Variants in SMARCD2 observed in about 807,000 individuals in gnomAD.
SMARCD2 encodes SWI/SNF related BAF chromatin remodeling complex subunit D2.
In SMARCD2, 39 loss-of-function variants were observed where a neutral mutation model predicts 70.4. That is an observed-to-expected ratio of 0.55 (90% confidence interval 0.43 to 0.72). The LOEUF (loss-of-function observed/expected upper bound fraction) is 0.72, where lower values mean the gene tolerates loss of function less well. Ranked by LOEUF, SMARCD2 falls within the 30% of genes least tolerant of loss-of-function variation. SMARCD2 has a pLI of 0.00. For synonymous variants in SMARCD2, 249 were observed against 279.4 expected (o/e 0.89, Z 1.08); for missense variants, 540 against 713.4 (o/e 0.76, Z 2.77).
intron 1 of SMARCD2, among the ~76,000 whole-genome samples, chr17:63,841,182 G>A (rs1009111057): frequency 2.6e-5 from 4 of 152,242 alleles, no homozygotes; most frequent in African/African-American, 9.6e-5. Context: ...GAATCCCTGG[G>A]ACCAGGTCTG....
At chr17:63,835,165 C>G (rs2040249687) in intron 5 of SMARCD2, 2 of 545,540 alleles carry the variant, frequency 3.7e-6, no homozygotes, top group Non-Finnish European at 6.5e-6. Context: ...ACTCTGTCAC[C>G]CAGGCTGAAG....
chr17:63,840,717 A>G (rs1010644647), intron 1 of SMARCD2, among the ~76,000 whole-genome samples: 5 of 152,210 alleles, frequency 3.3e-5, no homozygotes, highest in East Asian at 1.9e-4. Context: ...CTTGGAAAGA[A>G]GGCAAATAGG....
At chr17:63,838,986 G>A in intron 1 of SMARCD2, 1 of 985,334 alleles carries the variant, frequency 1.0e-6, no homozygotes. Flanking sequence ...GGGAGAGGAG[G>A]AGCAGGGTGG....
At position 63,834,622 on chromosome 17, in the gene SMARCD2, A is replaced by G. The variant is rs2040241679; in HGVS notation, c.820-47T>C. 6 of 1,567,468 alleles carry G rather than the reference A, an allele frequency of 3.8e-6. No individual in the cohort carries two copies. The highest frequency in any genetic ancestry group is 5.3e-6 in the Non-Finnish European group (6 of 1,139,806). ...CTTATCACCAAGGGGGTGGGCGTGA[A>G]CACAGGGCCTCCCAAGGGCCCTGAG... is the stretch of plus-strand genomic sequence containing the variant. On this transcript the variant is annotated intron_variant, in intron 6 of 12. Transcript: ENST00000448276. This position sits in a 1 kb window ranked among gnomAD's most constrained non-coding sequence, Gnocchi z 5.6.
chr17:63,840,180 C>G (rs1904402250), intron 1 of SMARCD2, among the ~76,000 whole-genome samples: 1 of 151,690 alleles, frequency 6.6e-6, no homozygotes, highest in South Asian at 2.1e-4. Context: ...GGAGTGAACC[C>G]AGCAATCTGA....
chr17:63,841,571 G>A (rs1904464160), intron 1 of SMARCD2, among the ~76,000 whole-genome samples: 1 of 152,230 alleles, frequency 6.6e-6, no homozygotes, highest in Non-Finnish European at 1.5e-5. Context: ...AGCACTGGCA[G>A]GGTCAGGCTG....
chr17:63,837,157 C>T lies in SMARCD2; in HGVS notation c.444+38G>A. ...AGATGGACACCCACCCCAAGGTGGC[C>T]ACTGGGCAGGCCTCCCAGGTGTCCT... On this transcript the variant is annotated intron_variant, in intron 3 of 12. Coordinates refer to ENST00000448276, the MANE Select transcript of SMARCD2 (RefSeq NM_001098426.2). The surrounding 1 kb of genome is among the most constrained non-coding windows in gnomAD (Gnocchi z 6.4). 1.2e-6 allele frequency: 2 copies of T among 1,611,498 alleles called. No homozygotes were observed. The highest frequency in any genetic ancestry group is 1.7e-4 in the Middle Eastern group (1 of 5,896).
rs762523727 is a variant in SMARCD2, at chr17:63,833,130, C to T, written c.1481G>A (p.Arg494Gln). 12 of 1,607,458 alleles carry T rather than the reference C, an allele frequency of 7.5e-6. 1 individual carries two copies. In the Admixed American group the frequency reaches 1.0e-4, roughly 14 times the overall value. ...CCAGGGCTGGTGGTAGAAAGCAGCTCGTCTCTCCTCCTCAGGATTTCCAAT... is the reference window on the plus strand; with the variant it reads ...CCAGGGCTGGTGGTAGAAAGCAGCTTGTCTCTCCTCCTCAGGATTTCCAAT... ...DVIGNPEEER[R>Q]AAFYHQPWAQ... Residue 494 changes from arginine (R) to glutamine (Q), a missense_variant, in exon 12 of 13, where the codon CGA becomes CAA. Transcript: ENST00000448276. This position sits in a 1 kb window ranked among gnomAD's most constrained non-coding sequence, Gnocchi z 4.3.
chr17:63,837,777 G>A lies in SMARCD2; in HGVS notation c.217-152C>T, dbSNP rs1266859448. On this transcript the variant is annotated intron_variant, in intron 1 of 12. Coordinates refer to ENST00000448276, the MANE Select transcript of SMARCD2 (RefSeq NM_001098426.2). The surrounding 1 kb of genome is among the most constrained non-coding windows in gnomAD (Gnocchi z 6.4). ...GCCCCAGGAACAAAGGGGAGTGGGC[G>A]CCTGAGCACAGAGTGTAAACCACAC... is the stretch of plus-strand genomic sequence containing the variant. Among the ~76,000 whole-genome samples the A allele has an allele frequency of 1.3e-5, 2 of 152,152 alleles. No individual in the cohort carries two copies. The highest frequency in any genetic ancestry group is 2.4e-5 in the African/African-American group (1 of 41,434).
chr17:63,840,317 A>G (rs1260241560), intron 1 of SMARCD2, among the ~76,000 whole-genome samples: 6 of 145,336 alleles, frequency 4.1e-5, no homozygotes, highest in Non-Finnish European at 9.0e-5. Context: ...CCATAAGCGC[A>G]CACCACCATG....
At position 63,834,193 on chromosome 17, in the gene SMARCD2, T is replaced by C. The variant is rs760305177; in HGVS notation, c.1057A>G (p.Ile353Val). 11 of 1,608,188 alleles carry C rather than the reference T, an allele frequency of 6.8e-6. No homozygotes were observed. In the South Asian group the frequency reaches 1.1e-4, roughly 16 times the overall value. ...TGGCGGAAGTAACGGTTGCAGTTGA[T>C]GTACTCCCGCTCGTGCCCATCCTGC... Reference protein sequence around the residue: ...QLQDGHEREYINCNRYFRQIF... With the variant: ...QLQDGHEREYVNCNRYFRQIF... Residue 353 changes from isoleucine (I) to valine (V), a missense_variant, in exon 8 of 13, where the codon ATC becomes GTC. Ile to Val is a conservative substitution (Grantham distance 29). Coordinates refer to ENST00000448276, the MANE Select transcript of SMARCD2 (RefSeq NM_001098426.2). The surrounding 1 kb of genome is among the most constrained non-coding windows in gnomAD (Gnocchi z 5.6).
In SMARCD2 at chr17:63,832,972, T is replaced by G; in HGVS notation, c.1562A>C (p.Glu521Ala). 1 of 1,582,060 alleles carries G rather than the reference T, an allele frequency of 6.3e-7. No homozygotes were observed. Among genetic ancestry groups the G allele is most frequent in the East Asian group, 2.3e-5 (1 of 43,122 alleles). Residue 521 changes from glutamate (E) to alanine (A), a missense_variant, in exon 13 of 13, where the codon GAA (glutamate) becomes GCA (alanine). By Grantham distance (107) the Glu-to-Ala change is moderately radical. Coordinates refer to ENST00000448276, the MANE Select transcript of SMARCD2 (RefSeq NM_001098426.2). The stretch of plus-strand genomic sequence containing the variant: ...GCGAATTCCCAGCACCTGTTCCAGT[T>G]CCTGCCTTCGCTGCTGCACCTGGAG... Reference protein sequence around the residue: ...IFAKVQQRRQELEQVLGIRLT With the variant: ...IFAKVQQRRQALEQVLGIRLT
Position 63,835,559 on chromosome 17 carries a change from T to C in SMARCD2, c.576A>G (p.Arg192=). The change falls in exon 5 of 13, where the codon CGA becomes CGG. Residue 192 remains arginine (R), a synonymous_variant. Transcript: ENST00000448276. ...TATTGGAAATGTAGATCCGAAGCTT[T>C]CGCTTTTGCTAAAGAGAGAAAGGCA... ...EAIKKPLTQK[R]KLRIYISNTF... 2 of 1,613,816 alleles carry C rather than the reference T, an allele frequency of 1.2e-6. No homozygotes were observed. The highest frequency in any genetic ancestry group is 1.7e-6 in the Non-Finnish European group (2 of 1,179,790).
intron 1 of SMARCD2, 111 bp downstream of exon 1, chr17:63,842,348 C>T (rs1024678811): frequency 2.3e-5 from 28 of 1,192,628 alleles, no homozygotes; most frequent in Non-Finnish European, 2.9e-5. Flanking sequence ...CACCGTCTCC[C>T]GGAGTTCCTC....
At chr17:63,838,248 G>C (rs777725462) in intron 1 of SMARCD2, among the ~76,000 whole-genome samples, 1 of 151,926 alleles carries the variant, frequency 6.6e-6, no homozygotes, top group Non-Finnish European at 1.5e-5. Flanking sequence ...CTCGGGCAGG[G>C]TACAGGGACC....
Position 63,832,346 on chromosome 17 carries a change from A to T in SMARCD2, c.*592T>A. On this transcript the variant is annotated 3_prime_UTR_variant, in exon 13 of 13. Transcript: ENST00000448276. Reference sequence around the variant, plus strand: ...TGATGGCGGCCAGAGCCGCTTGCATAGATTGAGGAAAGAAAAGAAGGAGGC... The same window carrying T: ...TGATGGCGGCCAGAGCCGCTTGCATTGATTGAGGAAAGAAAAGAAGGAGGC... 3.9e-6 allele frequency: 1 copy of T among 256,100 alleles called. No homozygotes were observed. The highest frequency in any genetic ancestry group is 5.0e-5 in the Admixed American group (1 of 20,158). The allele number at this position is 256,100 out of a possible 1,614,324, so 15.9% of individuals were successfully genotyped here. A position where few individuals can be genotyped will look rare whatever the true frequency, so the allele number is the denominator to read the frequency against.
At chr17:63,835,082 C>A (rs979195321) in intron 5 of SMARCD2, 2 of 534,592 alleles carry the variant, frequency 3.7e-6, no homozygotes, top group African/African-American at 1.9e-5. Flanking sequence ...CAGCGCCCCC[C>A]TCCCTATGGC....
Position 63,834,167 on chromosome 17 carries a change from C to A in SMARCD2, c.1083G>T (p.Gln361His). The change falls in exon 8 of 13, where the codon CAG becomes CAT. Residue 361 changes from glutamine to histidine, a missense_variant and splice_region_variant. By Grantham distance (24) the Gln-to-His change is conservative. Coordinates refer to ENST00000448276, the MANE Select transcript of SMARCD2 (RefSeq NM_001098426.2). The surrounding 1 kb of genome is among the most constrained non-coding windows in gnomAD (Gnocchi z 5.6). The part of the protein sequence containing the change: ...EYINCNRYFR[Q>H]IFSCGRLRFS... ...AAACGGGGGCTGGCATCTGGCTAAC[C>A]TGGCGGAAGTAACGGTTGCAGTTGA... 6.2e-7 allele frequency: 1 copy of A among 1,608,850 alleles called. No homozygotes were observed. The highest frequency in any genetic ancestry group is 8.5e-7 in the Non-Finnish European group (1 of 1,177,306).
chr17:63,833,234 A>ACTG lies in SMARCD2; in HGVS notation c.1440+61_1440+63dup. 1 of 1,612,440 alleles carries ACTG rather than the reference A, an allele frequency of 6.2e-7. No homozygotes were observed. Reference sequence around the variant, plus strand: ...ACCCCTGGGCTAATCCACCCTGGGAACTGCTGTGGGTAAAAATCACCCAGA... The same window carrying ACTG: ...ACCCCTGGGCTAATCCACCCTGGGAACTGCTGCTGTGGGTAAAAATCACCCAGA... On this transcript the variant is annotated intron_variant, in intron 11 of 12. Transcript: ENST00000448276. The surrounding 1 kb of genome is among the most constrained non-coding windows in gnomAD (Gnocchi z 4.3).
Sources: gnomAD v4.1 joint callset for allele counts (sites outside exome capture counted in the v4.1 genomes callset) on GRCh38, gnomAD v4.1.1 for gene constraint, Gnocchi (gnomAD v3.1) non-coding constraint, MANE v1.5 for transcripts, NCBI Gene and HGNC (gene_info 2026-07-23, HGNC 2026-07-21) for gene names.